ATL2: variants seen among roughly 807,000 people sequenced by gnomAD.
The protein encoded by ATL2 is atlastin-2.
Under a neutral mutation model 73.9 loss-of-function variants are expected in ATL2, and 31 were observed. That is an observed-to-expected ratio of 0.42 (90% CI 0.32 to 0.57). The LOEUF (loss-of-function observed/expected upper bound fraction) is 0.57. Ranked by LOEUF, ATL2 falls within the 20% of genes least tolerant of loss-of-function variation. ATL2 has a pLI of 0.14. For missense variants in ATL2, 738 were observed against 702.6 expected (o/e 1.05, Z -0.57); for synonymous variants, 291 against 237.5 (o/e 1.23, Z -2.07).
At chr2:38,313,007 T>C in intron 7 of ATL2, 144 bp downstream of exon 7, 1 of 584,068 alleles carries the variant, frequency 1.7e-6, no homozygotes, top group Non-Finnish European at 3.0e-6. Context: ...TTTTCATCAA[T>C]TACAAACAGA....
chr2:38,329,588 C>CCT (rs1668867759), intron 2 of ATL2, among the ~76,000 whole-genome samples: 2 of 151,844 alleles, frequency 1.3e-5, no homozygotes, highest in African/African-American at 4.8e-5. Flanking sequence ...GGGAATACTT[C>CCT]CTAATTAATT....
intron 9 of ATL2, among the ~76,000 whole-genome samples, chr2:38,307,731 A>T (rs888545348): frequency 3.9e-5 from 6 of 152,082 alleles, no homozygotes; most frequent in African/African-American, 1.4e-4. Context: ...TAACCAGACT[A>T]TATAAGGAGT....
At chr2:38,314,698 A>G (rs746662379) in intron 5 of ATL2, 34 bp from the exon 6 acceptor site, 2 of 1,354,508 alleles carry the variant, frequency 1.5e-6, no homozygotes, top group Admixed American at 1.9e-5. Context: ...TAATGCCTCT[A>G]AAGAGATTGA....
At chr2:38,331,024 C>T (rs1303246645) in intron 2 of ATL2, among the ~76,000 whole-genome samples, 7 of 152,234 alleles carry the variant, frequency 4.6e-5, no homozygotes, top group South Asian at 2.1e-4. Flanking sequence ...AAGACATGGC[C>T]GGGCGTGGTG....
intron 2 of ATL2, among the ~76,000 whole-genome samples, chr2:38,322,183 A>G (rs1668364297): frequency 6.8e-6 from 1 of 147,572 alleles, no homozygotes; most frequent in South Asian, 2.1e-4. Flanking sequence ...TCATTCCCCC[A>G]CAATGTCAAA....
chr2:38,365,350 A>C (rs1671259993), intron 1 of ATL2, among the ~76,000 whole-genome samples: 1 of 152,040 alleles, frequency 6.6e-6, no homozygotes, highest in African/African-American at 2.4e-5. Flanking sequence ...TGACTGTTAC[A>C]GCAGCAGTTT....
At chr2:38,376,043 G>A (rs1671939662) in intron 1 of ATL2, 6 of 1,374,160 alleles carry the variant, frequency 4.4e-6, no homozygotes, top group South Asian at 1.8e-5. Flanking sequence ...TTTACACACC[G>A]TAAAAAAAGA....
chr2:38,355,222 G>A (rs146229930), intron 1 of ATL2, among the ~76,000 whole-genome samples: 1 of 152,166 alleles, frequency 6.6e-6, no homozygotes, highest in Admixed American at 6.5e-5. Flanking sequence ...CGCCTCCTGG[G>A]TTCAAGCAAT....
Position 38,325,906 on chromosome 2 carries a change from TAAAAAAAAAAA to T in ATL2, c.364-6898_364-6888del, listed in dbSNP as rs761254087. 1.2e-3 allele frequency among the ~76,000 whole-genome samples: 61 copies of T among 52,044 alleles called. 1 individual carries two copies. The East Asian group carries it at 0.015, about 13-fold the overall frequency. 34.1% of individuals were successfully genotyped at this position (52,044 alleles called of 152,430 possible). A position where few individuals can be genotyped will look rare whatever the true frequency, so the allele number is the denominator to read the frequency against. On this transcript the variant is annotated intron_variant, in intron 2 of 12. Transcript: ENST00000378954. ...TTAAGGTTTTGTTTGTTTGTTTGTT[TAAAAAAAAAAA>T]AAAAAAAAAAAAAAGAGGGTCATAG...
intron 1 of ATL2, among the ~76,000 whole-genome samples, chr2:38,358,932 C>T (rs6716350): frequency 0.41 from 62,062 of 152,000 alleles, 15,727 homozygotes; most frequent in African/African-American, 0.73. Flanking sequence ...AAAACAGCTA[C>T]TAGTCAAACA....
At chr2:38,361,643 T>C (rs1028589908) in intron 1 of ATL2, among the ~76,000 whole-genome samples, 11 of 152,216 alleles carry the variant, frequency 7.2e-5, no homozygotes, top group Non-Finnish European at 1.6e-4. Flanking sequence ...ATTAGATTAA[T>C]GCAATGGCTA....
rs1667057290 is a variant in ATL2 at position 38,299,165 on chromosome 2, G to A, written c.1200+91C>T. The A allele has an allele frequency of 7.4e-6, 9 of 1,214,882 alleles. No individual in the cohort carries two copies. The South Asian group carries it at 8.2e-5, about 11-fold the overall frequency. 75.3% of individuals were successfully genotyped at this position (1,214,882 alleles called of 1,614,324 possible). Reference sequence around the variant, plus strand: ...AATGTACCATAAGCTGCACAAATTCGCTCAATTATTTAAAAAATTTTTTTA... The same window carrying A: ...AATGTACCATAAGCTGCACAAATTCACTCAATTATTTAAAAAATTTTTTTA... On this transcript the variant is annotated intron_variant, in intron 11 of 12. Transcript: ENST00000378954.
At chr2:38,314,118 A>G (rs1271450306) in intron 6 of ATL2, among the ~76,000 whole-genome samples, 1 of 152,198 alleles carries the variant, frequency 6.6e-6, no homozygotes, top group Non-Finnish European at 1.5e-5. Context: ...ATGCTCTCCT[A>G]CTGTAACTGC....
intron 1 of ATL2, among the ~76,000 whole-genome samples, chr2:38,355,221 G>C (rs369188520): frequency 6.6e-6 from 1 of 152,062 alleles, no homozygotes. Flanking sequence ...CCGCCTCCTG[G>C]GTTCAAGCAA....
chr2:38,349,237 G>A (rs1348159996), intron 1 of ATL2, among the ~76,000 whole-genome samples: 1 of 152,002 alleles, frequency 6.6e-6, no homozygotes, highest in Non-Finnish European at 1.5e-5. Context: ...TGTTCGTTGT[G>A]GCACTATTCA....
At chr2:38,338,744 A>AAGAGTACCATTCCT (rs1669521900) in intron 2 of ATL2, among the ~76,000 whole-genome samples, 1 of 152,166 alleles carries the variant, frequency 6.6e-6, no homozygotes, top group Admixed American at 6.5e-5. Context: ...CCAACAGGTG[A>AAGAGTACCATTCCT]AGAGTACCAT....
intron 1 of ATL2, among the ~76,000 whole-genome samples, chr2:38,354,409 A>G (rs1320965166): frequency 6.6e-6 from 1 of 152,204 alleles, no homozygotes; most frequent in African/African-American, 2.4e-5. Flanking sequence ...TAAAGTATGT[A>G]GAAGTACAAA....
intron 9 of ATL2, among the ~76,000 whole-genome samples, chr2:38,306,498 A>T (rs1181824603): frequency 6.6e-6 from 1 of 152,230 alleles, no homozygotes; most frequent in Admixed American, 6.5e-5. Flanking sequence ...AAATACTAGC[A>T]AACTGAATTC....
chr2:38,296,654 A>G (rs1401582176), intron 12 of ATL2: 11 of 1,587,666 alleles, frequency 6.9e-6, no homozygotes, highest in Non-Finnish European at 9.4e-6. Context: ...AGAGTTTAAG[A>G]CTACAAGAAT....
Sources: allele counts gnomAD v4.1 joint callset (sites outside exome capture counted in the v4.1 genomes callset), GRCh38; gene constraint gnomAD v4.1.1; transcripts MANE v1.5; gene names NCBI Gene and HGNC (gene_info 2026-07-23, HGNC 2026-07-21).